The following CDH12 variants were observed in gnomAD, a reference collection of about 807,000 sequenced individuals.
CDH12 encodes cadherin-12.
A neutral mutation model predicts 74.1 loss-of-function variants in CDH12; 41 were observed. The observed-to-expected ratio is 0.55, with a 90% CI of 0.43 to 0.72. CDH12 has a LOEUF of 0.72. Among genes scored for constraint, CDH12 ranks in the 30% least tolerant of loss-of-function variants. CDH12 has a pLI of 0.00. For missense variants in CDH12, 945 were observed against 977.2 expected (o/e 0.97, Z 0.44); for synonymous variants, 399 against 355.0 (o/e 1.12, Z -1.39).
chr5:22,335,536 G>A (rs559752315), intron 3 of CDH12, among the ~76,000 whole-genome samples: 4 of 152,140 alleles, frequency 2.6e-5, no homozygotes, highest in South Asian at 4.2e-4. Context: ...AGTGAGCTGA[G>A]GTGGCAACAC....
At position 22,273,641 on chromosome 5, in the gene CDH12, G is replaced by C. The variant is rs560299150; in HGVS notation, c.-332-60998C>G. On this transcript the variant is annotated intron_variant, in intron 3 of 14. Coordinates refer to ENST00000382254, the MANE Select transcript of CDH12 (RefSeq NM_004061.5). ...GCATTTCCTACCTGAAGAAGAAAAAGTTGCAATGATAGAAGTAATCTTTTA... is the reference window on the plus strand; with the variant it reads ...GCATTTCCTACCTGAAGAAGAAAAACTTGCAATGATAGAAGTAATCTTTTA... 2.0e-5 allele frequency among the ~76,000 whole-genome samples: 3 copies of C among 152,284 alleles called. No homozygotes were observed. The South Asian group carries it at 6.2e-4, about 32-fold the overall frequency.
chr5:22,246,791 AG>A (rs551628324), intron 3 of CDH12, among the ~76,000 whole-genome samples: 80 of 152,322 alleles, frequency 5.3e-4, no homozygotes, highest in Non-Finnish European at 8.1e-4. Context: ...AAGTATTTCA[AG>A]ATGTAGTTAC....
chr5:22,680,724 G>A (rs2066640247), intron 1 of CDH12, among the ~76,000 whole-genome samples: 2 of 151,652 alleles, frequency 1.3e-5, no homozygotes, highest in Admixed American at 1.3e-4. Flanking sequence ...TAGAGTTTCT[G>A]GGGTTAAATA....
At chr5:22,382,210 A>ATTTAAAATATATAATATTTTATATAT (rs1741790707) in intron 3 of CDH12, among the ~76,000 whole-genome samples, 1 of 145,954 alleles carries the variant, frequency 6.9e-6, no homozygotes, top group Admixed American at 6.9e-5. Flanking sequence ...ATATTTATAT[A>ATTTAAAATATATAATATTTTATATAT]TTTAAAATAT....
chr5:21,915,168 G>C (rs1231626713), intron 6 of CDH12, among the ~76,000 whole-genome samples: 4 of 152,152 alleles, frequency 2.6e-5, no homozygotes, highest in African/African-American at 9.7e-5. Context: ...TCTGTCTTCT[G>C]AAAGTATAAT....
At chr5:21,765,614 C>A (rs10044463) in intron 11 of CDH12, among the ~76,000 whole-genome samples, 7,311 of 149,570 alleles carry the variant, frequency 0.049, 236 homozygotes, top group African/African-American at 0.087. Flanking sequence ...GGAAGTAGAA[C>A]TAAGAGATGG....
chr5:22,083,836 T>C (rs1260313890), intron 4 of CDH12, among the ~76,000 whole-genome samples: 5 of 152,088 alleles, frequency 3.3e-5, no homozygotes, highest in Non-Finnish European at 7.4e-5. Context: ...CCAATCCTAG[T>C]AAAACAAGGA....
chr5:22,744,285 C>T (rs1034665314), intron 1 of CDH12, among the ~76,000 whole-genome samples: 6 of 151,982 alleles, frequency 3.9e-5, no homozygotes, highest in East Asian at 3.9e-4. Context: ...AAAAATTAGC[C>T]GGGCATGGTG....
At position 22,349,243 on chromosome 5, in the gene CDH12, TG is replaced by T. The variant is rs1740253880; in HGVS notation, c.-333+56013del. ...ATAAGCTGTCTAGTCCATGGCATTT[TG>T]TTATAGCTGCCCGAATAAACCTTGA... is the stretch of plus-strand genomic sequence containing the variant. On this transcript the variant is annotated intron_variant, in intron 3 of 14. Transcript: ENST00000382254. Among the ~76,000 whole-genome samples, 6 of 152,336 alleles carry T rather than the reference TG, an allele frequency of 3.9e-5. 1 individual carries two copies. The South Asian group carries it at 1.2e-3, about 32-fold the overall frequency.
intron 10 of CDH12, among the ~76,000 whole-genome samples, chr5:21,795,996 T>A (rs901269364): frequency 6.6e-6 from 1 of 152,078 alleles, no homozygotes; most frequent in Non-Finnish European, 1.5e-5. Flanking sequence ...TTTTAACAAC[T>A]AATTAGTATA....
chr5:22,039,842 G>A (rs1330621480), intron 5 of CDH12, among the ~76,000 whole-genome samples: 2 of 152,088 alleles, frequency 1.3e-5, no homozygotes, highest in East Asian at 2.0e-4. Context: ...ATCTGTGAAA[G>A]CCTGTCTGTA....
chr5:21,915,918 A>T (rs1194001681), intron 6 of CDH12, among the ~76,000 whole-genome samples: 1 of 147,174 alleles, frequency 6.8e-6, no homozygotes, highest in Admixed American at 7.0e-5. Context: ...AAAATAAAAG[A>T]CCTAGAGGGA....
chr5:22,760,678 C>CAAAAAAAAAAAAAA (rs11284255), intron 1 of CDH12, among the ~76,000 whole-genome samples: 2 of 63,446 alleles, frequency 3.2e-5, no homozygotes, highest in East Asian at 5.0e-4. Context: ...GACTCCGTCT[C>CAAAAAAAAAAAAAA]AAAAAAAAAA....
intron 8 of CDH12, among the ~76,000 whole-genome samples, chr5:21,830,199 C>CAAAAA (rs1055199877): frequency 0.027 from 672 of 25,240 alleles, 48 homozygotes; most frequent in African/African-American, 0.033. Flanking sequence ...AACTCCTTCT[C>CAAAAA]AAAAAAAAAA....
At chr5:22,549,304 C>T (rs1384454654) in intron 1 of CDH12, among the ~76,000 whole-genome samples, 2 of 151,888 alleles carry the variant, frequency 1.3e-5, no homozygotes, top group African/African-American at 4.8e-5. Context: ...TACTTTTGTG[C>T]CACTCAGCCC....
chr5:22,035,729 C>CAA (rs1370161902), intron 5 of CDH12, among the ~76,000 whole-genome samples: 1 of 151,500 alleles, frequency 6.6e-6, no homozygotes, highest in Non-Finnish European at 1.5e-5. Context: ...CACACACACA[C>CAA]ACACACACAC....
intron 3 of CDH12, among the ~76,000 whole-genome samples, chr5:22,310,144 T>A (rs1026828466): frequency 1.3e-5 from 2 of 151,584 alleles, no homozygotes; most frequent in Non-Finnish European, 2.9e-5. Flanking sequence ...GAACTTAAAG[T>A]ATAATAAAAA....
At chr5:21,863,413 A>T (rs774674082) in intron 6 of CDH12, among the ~76,000 whole-genome samples, 1 of 152,008 alleles carries the variant, frequency 6.6e-6, no homozygotes, top group Non-Finnish European at 1.5e-5. Flanking sequence ...AGCTTTCAAA[A>T]CTCAGTACAT....
intron 2 of CDH12, among the ~76,000 whole-genome samples, chr5:22,463,313 T>G (rs1745592672): frequency 6.6e-6 from 1 of 152,204 alleles, no homozygotes; most frequent in African/African-American, 2.4e-5. Flanking sequence ...TATTTCTTAA[T>G]TCATTTTCTA....
Sources: allele counts gnomAD v4.1 joint callset (sites outside exome capture counted in the v4.1 genomes callset), GRCh38; gene constraint gnomAD v4.1.1; transcripts MANE v1.5; gene names NCBI Gene and HGNC (gene_info 2026-07-23, HGNC 2026-07-21).